The following PHACTR2 variants were observed in gnomAD, a reference collection of about 807,000 sequenced individuals.
The protein encoded by PHACTR2 is phosphatase and actin regulator 2.
In PHACTR2, 30 loss-of-function variants were observed where a neutral mutation model predicts 76.0. That is an observed-to-expected ratio of 0.39 (90% CI 0.30 to 0.54). The LOEUF (loss-of-function observed/expected upper bound fraction) is 0.54. Among genes scored for constraint, PHACTR2 ranks in the 20% least tolerant of loss-of-function variants. PHACTR2 has a pLI of 0.61. For synonymous variants in PHACTR2, 292 were observed against 292.5 expected, an observed-to-expected ratio of 1.00 and a Z score of 0.02; for missense variants, 696 against 781.1, an observed-to-expected ratio of 0.89 and a Z score of 1.30.
rs1350002979 is a variant in PHACTR2, at chr6:143,539,224, G to A, written c.217+2017G>A. Among the ~76,000 whole-genome samples the A allele has an allele frequency of 6.6e-6, 1 of 152,212 alleles. No individual in the cohort carries two copies. The highest frequency in any genetic ancestry group is 2.4e-5 in the African/African-American group (1 of 41,446). ...CTTCTGAGGACTCTTTGTCTTTTCTGTGTCCTCTTAACGGATGCTAGGAAG... is the reference window on the plus strand; with the variant it reads ...CTTCTGAGGACTCTTTGTCTTTTCTATGTCCTCTTAACGGATGCTAGGAAG... On this transcript the variant is annotated intron_variant, in intron 1 of 11. Coordinates refer to the PHACTR2 transcript ENST00000367584. The surrounding 1 kb of genome is among the most constrained non-coding windows in gnomAD (Gnocchi z 4.3).
rs1379491445 is a variant in PHACTR2 at position 143,580,985 on chromosome 6, A to G, written c.217+43778A>G. ...AACACAGCAGACCAGATATCCTATA[A>G]AAGTCTTCCATTACAGAACACCTAC... is the stretch of plus-strand genomic sequence containing the variant. On this transcript the variant is annotated intron_variant, in intron 1 of 11. Transcript: ENST00000367584. The surrounding 1 kb of genome is among the most constrained non-coding windows in gnomAD (Gnocchi z 4.2). Among the ~76,000 whole-genome samples the G allele has an allele frequency of 6.6e-6, 1 of 152,208 alleles. No individual in the cohort carries two copies. Among genetic ancestry groups the G allele is most frequent in the Admixed American group, 6.5e-5 (1 of 15,288 alleles).
At chr6:143,749,760 C>A (rs1238101081) in intron 3 of PHACTR2, among the ~76,000 whole-genome samples, 2 of 152,054 alleles carry the variant, frequency 1.3e-5, no homozygotes, top group Non-Finnish European at 2.9e-5. Context: ...GGTACTGACC[C>A]TCAAAAGAAG....
chr6:143,649,189 C>G (rs1386234885), intron 1 of PHACTR2, among the ~76,000 whole-genome samples: 1 of 152,134 alleles, frequency 6.6e-6, no homozygotes, highest in African/African-American at 2.4e-5. Flanking sequence ...TTGTGTGTGT[C>G]TGTTTGTAAA....
chr6:143,813,703 G>C (rs1220316598), intron 12 of PHACTR2, among the ~76,000 whole-genome samples: 3 of 150,602 alleles, frequency 2.0e-5, no homozygotes, highest in South Asian at 2.1e-4. Flanking sequence ...CTTTATTATA[G>C]AGTGGGGTTA....
Position 143,753,178 on chromosome 6 carries a change from A to T in PHACTR2, c.296-576A>T, listed in dbSNP as rs1230453172. Among the ~76,000 whole-genome samples, 1 of 152,212 alleles carries T rather than the reference A, an allele frequency of 6.6e-6. No homozygotes were observed. Among genetic ancestry groups the T allele is most frequent in the East Asian group, 1.9e-4 (1 of 5,200 alleles). ...TCTTTCCATAAACAAATAAAAATAA[A>T]AATAGCCTTGCTATCATGTTTTCCC... On this transcript the variant is annotated intron_variant, in intron 3 of 12. Coordinates refer to ENST00000440869, the MANE Select transcript of PHACTR2 (RefSeq NM_001100164.2). This position sits in a 1 kb window ranked among gnomAD's most constrained non-coding sequence, Gnocchi z 4.6.
chr6:143,769,956 A>G (rs1407022679), intron 6 of PHACTR2, among the ~76,000 whole-genome samples: 1 of 152,230 alleles, frequency 6.6e-6, no homozygotes, highest in African/African-American at 2.4e-5. Context: ...GGTTCTTCAA[A>G]AAATTAAACA....
intron 2 of PHACTR2, among the ~76,000 whole-genome samples, chr6:143,735,298 A>T (rs1376861822): frequency 6.6e-6 from 1 of 152,220 alleles, no homozygotes; most frequent in Non-Finnish European, 1.5e-5. Flanking sequence ...ATAAAAAAAC[A>T]TGATTGGAAA....
intron 1 of PHACTR2, among the ~76,000 whole-genome samples, chr6:143,622,373 T>G (rs1776169780): frequency 6.6e-6 from 1 of 152,160 alleles, no homozygotes. Flanking sequence ...TTCCTGCTGC[T>G]TTGCTTGGCA....
At position 143,610,474 on chromosome 6, in the gene PHACTR2, G is replaced by A. The variant is rs182324898; in HGVS notation, c.13+2152G>A. The stretch of plus-strand genomic sequence containing the variant: ...TGACAACTGGATCATTAGTTTCAAG[G>A]AGCCAGACCTTCTTCTAGCAAGGCT... On this transcript the variant is annotated intron_variant, in intron 1 of 11. Coordinates refer to the PHACTR2 transcript ENST00000305766. The surrounding 1 kb of genome is among the most constrained non-coding windows in gnomAD (Gnocchi z 4.9). Among the ~76,000 whole-genome samples, 4 of 152,320 alleles carry A rather than the reference G, an allele frequency of 2.6e-5. No homozygotes were observed. In the East Asian group the frequency reaches 7.7e-4, roughly 29 times the overall value.
At position 143,683,075 on chromosome 6, in the gene PHACTR2, G is replaced by C. The variant is rs1279690112; in HGVS notation, c.46+4866G>C. Among the ~76,000 whole-genome samples, 1 of 152,206 alleles carries C rather than the reference G, an allele frequency of 6.6e-6. No individual in the cohort carries two copies. The highest frequency in any genetic ancestry group is 2.4e-5 in the African/African-American group (1 of 41,544). On this transcript the variant is annotated intron_variant, in intron 1 of 12. Coordinates refer to ENST00000440869, the MANE Select transcript of PHACTR2 (RefSeq NM_001100164.2). The surrounding 1 kb of genome is among the most constrained non-coding windows in gnomAD (Gnocchi z 4.1). ...TGTATAATCCTTTTTGTATGTTGCT[G>C]GGTTAGGTTTACAAAAGTATTTTAC...
intron 1 of PHACTR2, among the ~76,000 whole-genome samples, chr6:143,564,182 TA>T (rs1775325055): frequency 4.8e-5 from 2 of 41,606 alleles, no homozygotes; most frequent in South Asian, 7.7e-4. Flanking sequence ...TGTGTGTGTG[TA>T]TGTGTGTGTG....
chr6:143,593,007 C>T (rs564426278), intron 1 of PHACTR2, among the ~76,000 whole-genome samples: 99 of 145,298 alleles, frequency 6.8e-4, no homozygotes, highest in Non-Finnish European at 1.2e-3. Flanking sequence ...TGCCACTGCA[C>T]CTGCACTCCG....
Position 143,659,934 on chromosome 6 carries a change from GAACAGAACTTT to G in PHACTR2, c.13+51616_13+51626del, listed in dbSNP as rs1471357174. The stretch of plus-strand genomic sequence containing the variant: ...GGCCAGTAACATTAAAAGAGAAGTT[GAACAGAACTTT>G]AACTGGGAACACTAAAAACTTAAAT... On this transcript the variant is annotated intron_variant, in intron 1 of 11. Coordinates refer to the PHACTR2 transcript ENST00000305766. The surrounding 1 kb of genome is among the most constrained non-coding windows in gnomAD (Gnocchi z 5.0). 6.6e-6 allele frequency among the ~76,000 whole-genome samples: 1 copy of G among 152,084 alleles called. No individual in the cohort carries two copies. The highest frequency in any genetic ancestry group is 2.4e-5 in the African/African-American group (1 of 41,402).
Position 143,736,148 on chromosome 6 carries a change from C to T in PHACTR2, c.215-12837C>T, listed in dbSNP as rs1178733888. ...GGTACAAGCGATCCTCCTGCCTCATCCAGATAATTTTTTAATTTTTTGTCG... is the reference window on the plus strand; with the variant it reads ...GGTACAAGCGATCCTCCTGCCTCATTCAGATAATTTTTTAATTTTTTGTCG... On this transcript the variant is annotated intron_variant, in intron 2 of 12. Transcript: ENST00000440869. Among the ~76,000 whole-genome samples, 3 of 152,162 alleles carry T rather than the reference C, an allele frequency of 2.0e-5. No homozygotes were observed. In the East Asian group the frequency reaches 5.8e-4, roughly 29 times the overall value.
chr6:143,612,495 T>C (rs1405730750), intron 1 of PHACTR2, among the ~76,000 whole-genome samples: 5 of 152,224 alleles, frequency 3.3e-5, no homozygotes, highest in Non-Finnish European at 5.9e-5. Flanking sequence ...GCAAACTCTA[T>C]TTTTTGCAAT....
chr6:143,630,623 A>G (rs929870601), intron 1 of PHACTR2, among the ~76,000 whole-genome samples: 5 of 152,244 alleles, frequency 3.3e-5, no homozygotes, highest in Non-Finnish European at 7.3e-5. Flanking sequence ...AATCATGGTA[A>G]TGAATTCACT....
intron 1 of PHACTR2, among the ~76,000 whole-genome samples, chr6:143,701,495 T>C (rs1777911817): frequency 6.6e-6 from 1 of 152,200 alleles, no homozygotes. Flanking sequence ...CCCTAACTCC[T>C]TGGATTAGCC....
At chr6:143,763,909 G>C (rs1243870684) in intron 5 of PHACTR2, among the ~76,000 whole-genome samples, 1 of 152,168 alleles carries the variant, frequency 6.6e-6, no homozygotes, top group East Asian at 1.9e-4. Context: ...TTCATGAAGA[G>C]AAGGAGCATA....
intron 1 of PHACTR2, among the ~76,000 whole-genome samples, chr6:143,579,319 CA>C (rs1582682499): frequency 6.6e-6 from 1 of 151,944 alleles, no homozygotes; most frequent in African/African-American, 2.4e-5. Context: ...TTTTTATTGT[CA>C]AAAAATTTGC....
Sources: gnomAD v4.1 joint callset for allele counts (sites outside exome capture counted in the v4.1 genomes callset) on GRCh38, gnomAD v4.1.1 for gene constraint, Gnocchi (gnomAD v3.1) non-coding constraint, MANE v1.5 for transcripts, NCBI Gene and HGNC (gene_info 2026-07-23, HGNC 2026-07-21) for gene names.